Variants in DNAH9 observed in about 807,000 individuals in gnomAD.
DNAH9 encodes DNAH9 variant protein.
A neutral mutation model predicts 471.6 loss-of-function variants in DNAH9; 345 were observed. The observed-to-expected ratio is 0.73, with a 90% CI of 0.67 to 0.80. DNAH9 has a LOEUF of 0.80. DNAH9 is among the 30% of genes least tolerant of loss of function. The pLI is 0.00. For synonymous variants in DNAH9, 2,093 were observed against 2,123.6 expected (o/e 0.99, Z 0.40); for missense variants, 5,407 against 5,609.2 (o/e 0.96, Z 1.15).
At chr17:11,866,017 C>T (rs1291453789) in intron 50 of DNAH9, among the ~76,000 whole-genome samples, 15 of 152,222 alleles carry the variant, frequency 9.9e-5, no homozygotes, top group African/African-American at 2.7e-4. Context: ...TCTCTCAACT[C>T]GTCAAAGTCA....
In DNAH9 at chr17:11,598,511, G is replaced by C. The variant is rs996621074; in HGVS notation, c.13G>C (p.Glu5Gln). The C allele has an allele frequency of 3.0e-6, 4 of 1,350,298 alleles. No individual in the cohort carries two copies. The highest frequency in any genetic ancestry group is 3.8e-6 in the Non-Finnish European group (4 of 1,053,256). 83.6% of individuals were successfully genotyped at this position (1,350,298 alleles called of 1,614,324 possible). A position where few individuals can be genotyped will look rare whatever the true frequency, so the allele number is the denominator to read the frequency against. MRLAEERAALAAENA... is the reference protein window; with the variant it reads MRLAQERAALAAENA... ...GAGGCCGCGCGCGATGCGGCTCGCG[G>C]AGGAGCGGGCCGCGCTCGCGGCGGA... Residue 5 changes from glutamate (E) to glutamine (Q), a missense_variant, in exon 1 of 69, where the codon GAG becomes CAG. Physicochemically the swap from Glu to Gln is conservative, Grantham distance 29. Around this residue, in one of 3 missense-constraint regions of DNAH9, gnomAD observed 767 missense variants for 692.5 expected, o/e 1.11. Transcript: ENST00000262442.
In DNAH9 at chr17:11,652,739, TTA is replaced by T. The variant is rs1414524986; in HGVS notation, c.2354-20_2354-19del. The T allele has an allele frequency of 6.2e-7, 1 of 1,609,198 alleles. No homozygotes were observed. Among genetic ancestry groups the T allele is most frequent in the Non-Finnish European group, 8.5e-7 (1 of 1,177,854 alleles). On this transcript the variant is annotated intron_variant, in intron 13 of 68. Coordinates refer to ENST00000262442, the MANE Select transcript of DNAH9 (RefSeq NM_001372.4). ...TGCCACTGCAGGCTATTTCAATTAA[TTA>T]TGTTTCTTTTGGGGAACAGGCATTT...
At chr17:11,730,086 C>T (rs1201582043) in intron 28 of DNAH9, among the ~76,000 whole-genome samples, 1 of 152,202 alleles carries the variant, frequency 6.6e-6, no homozygotes, top group Non-Finnish European at 1.5e-5. Flanking sequence ...GAACGTGAGG[C>T]TCTTCCCTGG....
intron 6 of DNAH9, among the ~76,000 whole-genome samples, chr17:11,621,683 T>C (rs1029383351): frequency 2.0e-5 from 3 of 152,116 alleles, no homozygotes; most frequent in Non-Finnish European, 2.9e-5. Flanking sequence ...TGTAAGAGGC[T>C]GGTGGACCTG....
At position 11,824,276 on chromosome 17, in the gene DNAH9, T is replaced by G. The variant is rs79977802; in HGVS notation, c.9246+1242T>G. Among the ~76,000 whole-genome samples the G allele has an allele frequency of 5.5e-3, 842 of 152,330 alleles. 12 individuals are homozygous for G. Among genetic ancestry groups the G allele is most frequent in the African/African-American group, 0.02 (814 of 41,560 alleles). Reference sequence around the variant, plus strand: ...AGTTATCTGAGCCTTTCATTTTGCCTTTGGAATTGTTCTATTGAACTTTCT... The same window carrying G: ...AGTTATCTGAGCCTTTCATTTTGCCGTTGGAATTGTTCTATTGAACTTTCT... On this transcript the variant is annotated intron_variant, in intron 48 of 68. Coordinates refer to ENST00000262442, the MANE Select transcript of DNAH9 (RefSeq NM_001372.4).
intron 31 of DNAH9, among the ~76,000 whole-genome samples, chr17:11,745,509 A>C (rs2075509299): frequency 6.6e-6 from 1 of 152,224 alleles, no homozygotes; most frequent in Non-Finnish European, 1.5e-5. Context: ...TGGAAAACAC[A>C]GCACAGCTCC....
intron 14 of DNAH9, among the ~76,000 whole-genome samples, chr17:11,657,301 T>C (rs1440233358): frequency 1.3e-5 from 2 of 152,160 alleles, no homozygotes; most frequent in Non-Finnish European, 2.9e-5. Context: ...AATTTTAATT[T>C]GTCTTTCCCT....
At chr17:11,713,602 A>G (rs1401666701) in intron 26 of DNAH9, among the ~76,000 whole-genome samples, 1 of 151,842 alleles carries the variant, frequency 6.6e-6, no homozygotes, top group Non-Finnish European at 1.5e-5. Flanking sequence ...AATTTTGATG[A>G]GGTTCAACTT....
At chr17:11,860,925 C>T (rs1971822401) in intron 50 of DNAH9, among the ~76,000 whole-genome samples, 1 of 152,040 alleles carries the variant, frequency 6.6e-6, no homozygotes, top group African/African-American at 2.4e-5. Flanking sequence ...TGTCTTGTTC[C>T]TTTGTGTATG....
chr17:11,599,441 G>A (rs927364498), intron 1 of DNAH9, among the ~76,000 whole-genome samples: 2 of 152,226 alleles, frequency 1.3e-5, no homozygotes, highest in South Asian at 2.1e-4. Context: ...AGGGGGAGGT[G>A]GGTAGTGATT....
chr17:11,880,450 C>T (rs1157847477), intron 54 of DNAH9, among the ~76,000 whole-genome samples: 4 of 152,140 alleles, frequency 2.6e-5, no homozygotes, highest in Non-Finnish European at 5.9e-5. Context: ...TAAATGGCCA[C>T]AGTGCACAAT....
At chr17:11,843,861 GTGTATA>G (rs1485358789) in intron 49 of DNAH9, among the ~76,000 whole-genome samples, 5 of 54,184 alleles carry the variant, frequency 9.2e-5, no homozygotes, top group East Asian at 1.5e-3. Flanking sequence ...GTGTGTGTGT[GTGTATA>G]TATATATATA....
chr17:11,896,177 C>T (rs1164960017), intron 59 of DNAH9, among the ~76,000 whole-genome samples: 1 of 152,182 alleles, frequency 6.6e-6, no homozygotes, highest in Non-Finnish European at 1.5e-5. Flanking sequence ...ATACTAGTAA[C>T]TCCATCTTAA....
In DNAH9 at chr17:11,651,747, G is replaced by A. The variant is rs147524174; in HGVS notation, c.2353+423G>A. On this transcript the variant is annotated intron_variant, in intron 13 of 68. Transcript: ENST00000262442. The stretch of plus-strand genomic sequence containing the variant: ...CACTTTCATTGGCTGATTAATACGC[G>A]CAGGGTACTGTGTGACAAATTAGAT... 2.8e-3 allele frequency among the ~76,000 whole-genome samples: 427 copies of A among 152,208 alleles called. 8 individuals carry two copies. The highest frequency in any genetic ancestry group is 0.025 in the Admixed American group (376 of 15,282).
chr17:11,598,755 G>C lies in DNAH9; in HGVS notation c.257G>C (p.Gly86Ala), dbSNP rs1399328898. 3.5e-6 allele frequency: 5 copies of C among 1,435,736 alleles called. No homozygotes were observed. Among genetic ancestry groups the C allele is most frequent in the Admixed American group, 2.8e-5 (1 of 35,962 alleles). The allele number at this position is 1,435,736 out of a possible 1,614,324, so 88.9% of individuals were successfully genotyped here. A position where few individuals can be genotyped will look rare whatever the true frequency, so the allele number is the denominator to read the frequency against. ...PGPRGLAIRP[G>A]LEVGPESGLA... is the part of the protein sequence containing the mutation. ...CCCAGGGGCCTGGCAATACGCCCCG[G>C]GCTGGAGGTGGGACCTGAGTCGGGC... is the stretch of plus-strand genomic sequence containing the variant. Residue 86 changes from glycine (G) to alanine (A), a missense_variant, in exon 1 of 69, where the codon GGG becomes GCG. Gly to Ala is a moderately conservative substitution (Grantham distance 60). Around this residue, in one of 3 missense-constraint regions of DNAH9, gnomAD observed 767 missense variants for 692.5 expected, o/e 1.11. Transcript: ENST00000262442.
chr17:11,877,473 T>TAAAAAAAA (rs550300868), intron 53 of DNAH9, among the ~76,000 whole-genome samples: 9 of 68,634 alleles, frequency 1.3e-4, no homozygotes, highest in African/African-American at 3.4e-4. Context: ...AAACTCTGTC[T>TAAAAAAAA]AAAAAAAAAA....
At chr17:11,736,105 A>G (rs888091320) in intron 28 of DNAH9, among the ~76,000 whole-genome samples, 1 of 152,214 alleles carries the variant, frequency 6.6e-6, no homozygotes, top group Non-Finnish European at 1.5e-5. Flanking sequence ...CTTAATGCTA[A>G]CATCTTACAT....
intron 61 of DNAH9, among the ~76,000 whole-genome samples, chr17:11,915,664 C>T (rs541705146): frequency 6.6e-6 from 1 of 152,310 alleles, no homozygotes; most frequent in Non-Finnish European, 1.5e-5. Flanking sequence ...CCTGTCACAC[C>T]ATGAGCCTTC....
intron 57 of DNAH9, among the ~76,000 whole-genome samples, chr17:11,889,944 C>T (rs1431285608): frequency 1.3e-5 from 2 of 152,086 alleles, no homozygotes; most frequent in East Asian, 1.9e-4. Context: ...AGAGCTGTTC[C>T]GACACCAGAA....
Sources: gnomAD v4.1 joint callset for allele counts (sites outside exome capture counted in the v4.1 genomes callset) on GRCh38, gnomAD v4.1.1 for gene constraint, gnomAD v4.1.1 regional missense constraint, MANE v1.5 for transcripts, NCBI Gene and HGNC (gene_info 2026-07-23, HGNC 2026-07-21) for gene names.